HERC1: variants seen among roughly 807,000 people sequenced by gnomAD.
HERC1 encodes probable E3 ubiquitin-protein ligase HERC1.
In HERC1, 160 loss-of-function variants were observed where a neutral mutation model predicts 554.3. The ratio of observed to expected loss-of-function variants is 0.29; its 90% CI spans 0.25 to 0.33. HERC1 has a LOEUF of 0.33. HERC1 is among the 10% of genes least tolerant of loss of function. The pLI is 1.00. For synonymous variants in HERC1, 2,175 were observed against 2,131.7 expected, an observed-to-expected ratio of 1.02 and a Z score of -0.56; for missense variants, 4,919 against 5,918.5, an observed-to-expected ratio of 0.83 and a Z score of 5.54.
chr15:63,641,731 T>A, intron 59 of HERC1, 88 bp from the exon 60 acceptor site: 2 of 1,095,194 alleles, frequency 1.8e-6, no homozygotes, highest in Non-Finnish European at 2.5e-6. Context: ...TTCCTTCTAG[T>A]AACTGGGACA....
intron 17 of HERC1, among the ~76,000 whole-genome samples, chr15:63,725,868 C>T (rs1414539435): frequency 1.3e-5 from 2 of 152,150 alleles, no homozygotes; most frequent in East Asian, 1.9e-4. Context: ...CCAAAATCAA[C>T]ACACAAATTT....
intron 66 of HERC1, 88 bp from the exon 67 acceptor site, chr15:63,634,058 GA>G: frequency 6.8e-7 from 1 of 1,476,520 alleles, no homozygotes; most frequent in Non-Finnish European, 9.3e-7. Flanking sequence ...CTACTTCAGT[GA>G]AAAACTTGGC....
rs770837552 is a variant in HERC1, at chr15:63,727,864, G to A, written c.3155-26C>T. On this transcript the variant is annotated intron_variant, in intron 16 of 77. Transcript: ENST00000443617. The surrounding 1 kb of genome is among the most constrained non-coding windows in gnomAD (Gnocchi z 4.3). ...CTATGAAGGGCAAGAAATTAAACAT[G>A]GGACAATTGCTTCAAATGAACTTTA... 7.6e-6 allele frequency: 12 copies of A among 1,579,262 alleles called. No individual in the cohort carries two copies. In the South Asian group the frequency reaches 1.1e-4, roughly 15 times the overall value.
chr15:63,740,319 ATTTG>A (rs1278959808), intron 12 of HERC1, among the ~76,000 whole-genome samples: 10 of 152,172 alleles, frequency 6.6e-5, no homozygotes, highest in South Asian at 4.1e-4. Context: ...AATTTTGTTC[ATTTG>A]TTTATCAGTT....
At chr15:63,793,064 G>C (rs1456114711) in intron 1 of HERC1, among the ~76,000 whole-genome samples, 9 of 152,238 alleles carry the variant, frequency 5.9e-5, no homozygotes, top group Non-Finnish European at 1.0e-4. Context: ...GGATAGGGCA[G>C]GATATGGGGC....
chr15:63,755,300 T>C lies in HERC1; in HGVS notation c.1559A>G (p.Tyr520Cys). Residue 520 changes from tyrosine (Y) to cysteine (C), a missense_variant, in exon 6 of 78, where the codon TAC becomes TGC. Coordinates refer to ENST00000443617, the MANE Select transcript of HERC1 (RefSeq NM_003922.4). Reference sequence around the variant, plus strand: ...CTCTGTGACAGCAGCACTATGTCTGTATCCAGCTGACACACAAACAACTAC... The same window carrying C: ...CTCTGTGACAGCAGCACTATGTCTGCATCCAGCTGACACACAAACAACTAC... ...GKVVVCVSAG[Y>C]RHSAAVTEDG... The C allele has an allele frequency of 6.2e-7, 1 of 1,613,842 alleles. No individual in the cohort carries two copies. The highest frequency in any genetic ancestry group is 8.5e-7 in the Non-Finnish European group (1 of 1,179,722).
chr15:63,623,704 G>A (rs370739679), intron 73 of HERC1, 21 bp downstream of exon 73: 64 of 1,611,734 alleles, frequency 4.0e-5, no homozygotes, highest in Admixed American at 6.7e-5. Context: ...TAACTCAGCA[G>A]GGGACACTGC....
At chr15:63,626,626 A>C (rs986652469) in intron 70 of HERC1, among the ~76,000 whole-genome samples, 1 of 152,238 alleles carries the variant, frequency 6.6e-6, no homozygotes, top group African/African-American at 2.4e-5. Context: ...TTCATGACAG[A>C]AACATATAGG....
rs529686191 is a variant in HERC1, at chr15:63,694,417, A to G, written c.5375T>C (p.Leu1792Pro). The G allele has an allele frequency of 6.2e-7, 1 of 1,613,986 alleles. No individual in the cohort carries two copies. Among genetic ancestry groups the G allele is most frequent in the South Asian group, 1.1e-5 (1 of 91,086 alleles). The change falls in exon 29 of 78, where the codon CTA becomes CCA. Residue 1792 changes from leucine (L) to proline (P), a missense_variant. Leu to Pro is a moderately conservative substitution (Grantham distance 98, BLOSUM62 -3). Coordinates refer to ENST00000443617, the MANE Select transcript of HERC1 (RefSeq NM_003922.4). This position sits in a 1 kb window ranked among gnomAD's most constrained non-coding sequence, Gnocchi z 4.3. ...LSQLCGTDTM[L>P]GQPLQLLPKT... Reference sequence around the variant, plus strand: ...TGGCAACAACTGCAGGGGCTGTCCTAGCATGGTGTCTGTACCACACAACTG... The same window carrying G: ...TGGCAACAACTGCAGGGGCTGTCCTGGCATGGTGTCTGTACCACACAACTG...
At chr15:63,805,121 GTCATCAGTATT>G (rs2077099156) in intron 1 of HERC1, among the ~76,000 whole-genome samples, 1 of 152,120 alleles carries the variant, frequency 6.6e-6, no homozygotes, top group African/African-American at 2.4e-5. Flanking sequence ...TAAAGACCTG[GTCATCAGTATT>G]TATAGCGTCT....
chr15:63,750,412 T>C (rs1415030042), intron 8 of HERC1, among the ~76,000 whole-genome samples: 1 of 152,184 alleles, frequency 6.6e-6, no homozygotes, highest in Non-Finnish European at 1.5e-5. Context: ...AAAAAAATTT[T>C]GTCTTTGGCA....
Position 63,698,847 on chromosome 15 carries a change from C to T in HERC1, c.4786G>A (p.Val1596Ile), listed in dbSNP as rs1482116745. 4 of 1,613,828 alleles carry T rather than the reference C, an allele frequency of 2.5e-6. No individual in the cohort carries two copies. The highest frequency in any genetic ancestry group is 1.3e-5 in the African/African-American group (1 of 74,920). Residue 1596 changes from valine to isoleucine, a missense_variant, in exon 26 of 78, where the codon GTA becomes ATA. Physicochemically the swap from Val to Ile is conservative, Grantham distance 29. Coordinates refer to ENST00000443617, the MANE Select transcript of HERC1 (RefSeq NM_003922.4). ...CCCACATCTCCACTCACAAAGCTTA[C>T]AACATTTTCAATCAAAGTGTGAACT... ...LGVHTLIENV[V>I]SFVSGDVGNA...
chr15:63,756,857 G>T lies in HERC1; in HGVS notation c.1222-109C>A. The T allele has an allele frequency of 1.5e-6, 1 of 660,638 alleles. No individual in the cohort carries two copies. The highest frequency in any genetic ancestry group is 2.1e-5 in the South Asian group (1 of 46,894). The allele number at this position is 660,638 out of a possible 1,614,324, so 40.9% of individuals were successfully genotyped here. A position where few individuals can be genotyped will look rare whatever the true frequency, so the allele number is the denominator to read the frequency against. On this transcript the variant is annotated intron_variant, in intron 4 of 77. Transcript: ENST00000443617. This position sits in a 1 kb window ranked among gnomAD's most constrained non-coding sequence, Gnocchi z 5.0. The stretch of plus-strand genomic sequence containing the variant: ...AAAGGAAGTCTTTTAGCAGGATACG[G>T]CATGATTCTCCAGAGAGATTAAGGA...
At chr15:63,723,124 T>C (rs1442521714) in intron 19 of HERC1, 58 bp downstream of exon 19, 9 of 1,100,594 alleles carry the variant, frequency 8.2e-6, no homozygotes, top group Non-Finnish European at 1.1e-5. Context: ...ATTGCATATA[T>C]ATTTGCGAGC....
Position 63,628,794 on chromosome 15 carries a change from G to A in HERC1, c.12988C>T (p.His4330Tyr), listed in dbSNP as rs1304062644. 7 of 1,613,858 alleles carry A rather than the reference G, an allele frequency of 4.3e-6. No individual in the cohort carries two copies. The African/African-American group carries it at 5.3e-5, about 12-fold the overall frequency. ...EGQLGLGHTN[H>Y]VREPTLVTGL... ...GTTACCAGGGTTGGTTCTCGAACAT[G>A]GTTGGTATGGCCTAAGCCGAGCTGG... The change falls in exon 70 of 78, where the codon CAT becomes TAT. Residue 4330 changes from histidine (H) to tyrosine (Y), a missense_variant. Around this residue, in one of 11 missense-constraint regions of HERC1, gnomAD observed 410 missense variants for 467.0 expected, o/e 0.88. Transcript: ENST00000443617.
At chr15:63,645,263 TAAC>T (rs1298403213) in intron 56 of HERC1, among the ~76,000 whole-genome samples, 166 bp from the exon 57 acceptor site, 2 of 152,230 alleles carry the variant, frequency 1.3e-5, no homozygotes, top group Non-Finnish European at 2.9e-5. Context: ...GCCAATATTC[TAAC>T]AACATCACAC....
intron 31 of HERC1, among the ~76,000 whole-genome samples, chr15:63,691,281 C>G (rs1032530253): frequency 1.3e-5 from 2 of 151,886 alleles, no homozygotes; most frequent in Non-Finnish European, 2.9e-5. Context: ...GCCTGGCCAA[C>G]ATGGTGAAAC....
intron 4 of HERC1, among the ~76,000 whole-genome samples, chr15:63,757,009 A>G (rs558036478): frequency 6.6e-6 from 1 of 152,318 alleles, no homozygotes; most frequent in East Asian, 1.9e-4. Flanking sequence ...ATGAAACAAC[A>G]AAGTAAAACG....
chr15:63,770,210 C>T (rs2075908797), intron 2 of HERC1, among the ~76,000 whole-genome samples: 1 of 152,126 alleles, frequency 6.6e-6, no homozygotes, highest in African/African-American at 2.4e-5. Context: ...TCTCCAGCTC[C>T]CCTGACACAC....
Sources: gnomAD v4.1 joint callset for allele counts (sites outside exome capture counted in the v4.1 genomes callset) on GRCh38, gnomAD v4.1.1 for gene constraint, gnomAD v4.1.1 regional missense constraint, Gnocchi (gnomAD v3.1) non-coding constraint, MANE v1.5 for transcripts, NCBI Gene and HGNC (gene_info 2026-07-23, HGNC 2026-07-21) for gene names.